CCSER1: variants seen among roughly 807,000 people sequenced by gnomAD.
CCSER1 encodes the protein coiled-coil serine rich protein 1.
A neutral mutation model predicts 82.0 loss-of-function variants in CCSER1; 41 were observed. The ratio of observed to expected loss-of-function variants is 0.50; its 90% CI spans 0.39 to 0.65. The LOEUF (loss-of-function observed/expected upper bound fraction) is 0.65. Ranked by LOEUF, CCSER1 falls within the 30% of genes least tolerant of loss-of-function variation. CCSER1 has a pLI of 0.00. For missense variants in CCSER1, 1,119 were observed against 1,064.2 expected (o/e 1.05, Z -0.72); for synonymous variants, 414 against 383.9 (o/e 1.08, Z -0.92).
chr4:90,640,768 C>A lies in CCSER1; in HGVS notation c.1932+12536C>A, dbSNP rs77464900. On this transcript the variant is annotated intron_variant, in intron 6 of 10. Transcript: ENST00000509176. ...TTTTCCCCTTTCGCTCTGCACTTCT[C>A]CTTCCTGCCACCTTGTGAAGAAGGT... 7.0e-3 allele frequency among the ~76,000 whole-genome samples: 1,060 copies of A among 152,258 alleles called. 11 individuals are homozygous for A. Among genetic ancestry groups the A allele is most frequent in the African/African-American group, 0.024 (1,012 of 41,554 alleles).
intron 1 of CCSER1, among the ~76,000 whole-genome samples, chr4:90,226,040 C>T (rs1009345125): frequency 2.6e-5 from 4 of 152,160 alleles, no homozygotes; most frequent in Admixed American, 1.3e-4. Flanking sequence ...TGGTTGGCTA[C>T]CCTATTAGAG....
At chr4:90,850,603 G>A (rs1763763150) in intron 8 of CCSER1, among the ~76,000 whole-genome samples, 1 of 152,200 alleles carries the variant, frequency 6.6e-6, no homozygotes, top group African/African-American at 2.4e-5. Flanking sequence ...GGACTTGCAT[G>A]GGGCCTATAG....
At chr4:91,101,212 A>G (rs970207457) in intron 10 of CCSER1, among the ~76,000 whole-genome samples, 4 of 152,246 alleles carry the variant, frequency 2.6e-5, no homozygotes, top group Non-Finnish European at 1.5e-5. Flanking sequence ...CAGTAATTTG[A>G]GCACTAATCA....
At chr4:90,887,562 C>T (rs1722316085) in intron 8 of CCSER1, among the ~76,000 whole-genome samples, 1 of 152,086 alleles carries the variant, frequency 6.6e-6, no homozygotes, top group African/African-American at 2.4e-5. Flanking sequence ...TCCAGAATAT[C>T]TAGAAGAGAT....
At chr4:90,966,038 A>T (rs1039380805) in intron 9 of CCSER1, among the ~76,000 whole-genome samples, 1 of 152,094 alleles carries the variant, frequency 6.6e-6, no homozygotes, top group African/African-American at 2.4e-5. Context: ...TAAATTTAAG[A>T]TAGATTCATA....
At chr4:90,180,500 A>T (rs2153384978) in intron 1 of CCSER1, among the ~76,000 whole-genome samples, 1 of 152,056 alleles carries the variant, frequency 6.6e-6, no homozygotes, top group South Asian at 2.1e-4. Flanking sequence ...GAGGCAGGAG[A>T]ATCGCTTGAA....
At chr4:91,182,654 C>T (rs975963959) in intron 10 of CCSER1, among the ~76,000 whole-genome samples, 2 of 152,128 alleles carry the variant, frequency 1.3e-5, no homozygotes, top group African/African-American at 4.8e-5. Context: ...TAGCCTGGGG[C>T]ATTATCTGTT....
chr4:90,997,457 T>C (rs962389980), intron 9 of CCSER1, among the ~76,000 whole-genome samples: 12 of 152,190 alleles, frequency 7.9e-5, no homozygotes, highest in African/African-American at 2.7e-4. Context: ...CTTAATTTGA[T>C]CACTTATGCA....
chr4:91,378,726 G>T (rs574600930), intron 10 of CCSER1, among the ~76,000 whole-genome samples: 21 of 152,034 alleles, frequency 1.4e-4, no homozygotes, highest in Non-Finnish European at 2.9e-5. Context: ...TCTTTTCCTA[G>T]CTGAATACCC....
At chr4:90,689,715 A>AAACAGGAAATG (rs1230147934) in intron 6 of CCSER1, among the ~76,000 whole-genome samples, 14 of 152,114 alleles carry the variant, frequency 9.2e-5, no homozygotes, top group African/African-American at 3.4e-4. Context: ...GGAGTGGAGA[A>AAACAGGAAATG]AACAGGAAAT....
chr4:90,561,109 G>A lies in CCSER1; in HGVS notation c.1725-66916G>A, dbSNP rs551328823. ...TGTTCCGAAAGCCACTGCCATGGAC[G>A]TTCATAAGATAATACACAGTTAATC... On this transcript the variant is annotated intron_variant, in intron 5 of 10. Transcript: ENST00000509176. Among the ~76,000 whole-genome samples, 26 of 152,288 alleles carry A rather than the reference G, an allele frequency of 1.7e-4. No homozygotes were observed. The South Asian group carries it at 4.3e-3, about 25-fold the overall frequency.
At chr4:91,412,253 C>T (rs556543264) in intron 10 of CCSER1, among the ~76,000 whole-genome samples, 22 of 152,042 alleles carry the variant, frequency 1.4e-4, no homozygotes, top group African/African-American at 4.1e-4. Context: ...AACCATCCAC[C>T]GAGGAATCAG....
intron 10 of CCSER1, among the ~76,000 whole-genome samples, chr4:91,135,946 C>T (rs1198242518): frequency 2.0e-5 from 3 of 152,128 alleles, no homozygotes. Flanking sequence ...AATGACTTAA[C>T]TGCTGGGGTA....
intron 8 of CCSER1, among the ~76,000 whole-genome samples, chr4:90,869,653 G>A (rs537883439): frequency 2.6e-5 from 4 of 151,170 alleles, no homozygotes; most frequent in African/African-American, 7.3e-5. Context: ...CTCCAGTTTT[G>A]CTCTTTTTGC....
chr4:90,891,843 GCT>G (rs1419095842), intron 8 of CCSER1, among the ~76,000 whole-genome samples: 3 of 151,902 alleles, frequency 2.0e-5, no homozygotes, highest in Admixed American at 1.3e-4. Flanking sequence ...TTCAAATACT[GCT>G]CTAAAGTTTT....
intron 10 of CCSER1, among the ~76,000 whole-genome samples, chr4:91,581,999 A>G (rs1453470179): frequency 6.6e-6 from 1 of 151,708 alleles, no homozygotes; most frequent in African/African-American, 2.4e-5. Flanking sequence ...TCTTGGATAG[A>G]TGGAAATAAA....
chr4:91,554,303 A>G (rs1762305102), intron 10 of CCSER1, among the ~76,000 whole-genome samples: 1 of 151,338 alleles, frequency 6.6e-6, no homozygotes, highest in Non-Finnish European at 1.5e-5. Context: ...GGCCTAATAT[A>G]TGATCTATCC....
chr4:91,215,180 C>T (rs901516619), intron 10 of CCSER1, among the ~76,000 whole-genome samples: 11 of 151,884 alleles, frequency 7.2e-5, no homozygotes, highest in Admixed American at 2.0e-4. Flanking sequence ...TAAACATTAC[C>T]GATTTTCTAA....
intron 10 of CCSER1, among the ~76,000 whole-genome samples, chr4:91,172,376 G>A (rs1732853491): frequency 6.6e-6 from 1 of 152,168 alleles, no homozygotes; most frequent in Admixed American, 6.5e-5. Flanking sequence ...TGCATTGATG[G>A]AAAGGCATTC....
Sources: gnomAD v4.1 joint callset for allele counts (sites outside exome capture counted in the v4.1 genomes callset) on GRCh38, gnomAD v4.1.1 for gene constraint, MANE v1.5 for transcripts, NCBI Gene and HGNC (gene_info 2026-07-23, HGNC 2026-07-21) for gene names.